Variants in KIF21A observed in about 807,000 individuals in gnomAD.
KIF21A encodes the protein kinesin-like protein KIF21A.
KIF21A carries 114 observed loss-of-function variants against 202.9 expected under a neutral mutation model. That is an observed-to-expected ratio of 0.56 (90% CI 0.48 to 0.66). KIF21A has a LOEUF of 0.66. KIF21A is among the 30% of genes least tolerant of loss of function. The pLI is 0.00. For missense variants in KIF21A, 1,677 were observed against 1,994.9 expected (o/e 0.84, Z 3.04); for synonymous variants, 667 against 670.8 (o/e 0.99, Z 0.09).
intron 10 of KIF21A, among the ~76,000 whole-genome samples, chr12:39,354,470 C>T (rs1343263418): frequency 1.3e-5 from 2 of 151,934 alleles, no homozygotes; most frequent in African/African-American, 4.8e-5. Flanking sequence ...TTACATTTTC[C>T]TATATTTTCA....
rs769252082 is a variant in KIF21A, at chr12:39,383,409, A to G, written c.45-13148T>C. Among the ~76,000 whole-genome samples, 3 of 152,248 alleles carry G rather than the reference A, an allele frequency of 2.0e-5. No individual in the cohort carries two copies. The East Asian group carries it at 5.8e-4, about 29-fold the overall frequency. On this transcript the variant is annotated intron_variant, in intron 1 of 37. Transcript: ENST00000361418. ...TAAGTAGATTATAAAGGTTCCTGCT[A>G]TATCAACAAATGATATCCTAAATGA...
At chr12:39,379,617 T>A (rs931891581) in intron 1 of KIF21A, among the ~76,000 whole-genome samples, 2 of 152,170 alleles carry the variant, frequency 1.3e-5, no homozygotes, top group African/African-American at 2.4e-5. Context: ...AGGCTTCCAA[T>A]GAAGCTCAGC....
intron 3 of KIF21A, among the ~76,000 whole-genome samples, chr12:39,368,815 G>T (rs1353522378): frequency 2.0e-5 from 3 of 151,348 alleles, no homozygotes; most frequent in African/African-American, 4.9e-5. Context: ...TGATGAAAAT[G>T]ATTAGCTCAT....
In KIF21A at chr12:39,356,848, CT is replaced by C; in HGVS notation, c.1452del (p.Glu485LysfsTer10). On this transcript the variant is annotated frameshift_variant, in exon 10 of 38. Transcript: ENST00000361418. LOFTEE classifies it high-confidence loss of function. ...EISNMIHSYI[K>X]EIEDLRAKLL... is the part of the protein sequence containing the mutation. Reference sequence around the variant, plus strand: ...GAACTATACCTGAGATCTTCGATTTCTTTTATATAACTATGAATCATATTAC... The same window carrying C: ...GAACTATACCTGAGATCTTCGATTTCTTTATATAACTATGAATCATATTAC... The C allele has an allele frequency of 2.4e-6, 3 of 1,227,096 alleles. No individual in the cohort carries two copies. The highest frequency in any genetic ancestry group is 3.6e-6 in the Non-Finnish European group (3 of 830,416). 76.0% of individuals were successfully genotyped at this position (1,227,096 alleles called of 1,614,324 possible).
chr12:39,319,614 G>C (rs1944977506), intron 28 of KIF21A, among the ~76,000 whole-genome samples: 1 of 151,828 alleles, frequency 6.6e-6, no homozygotes, highest in Non-Finnish European at 1.5e-5. Flanking sequence ...GACTTAATAA[G>C]CCTTACCTCA....
At chr12:39,295,645 C>T (rs182415199) in intron 37 of KIF21A, among the ~76,000 whole-genome samples, 4 of 146,398 alleles carry the variant, frequency 2.7e-5, no homozygotes, top group Admixed American at 1.4e-4. Flanking sequence ...ATTTACTCAA[C>T]AAATGTTTAC....
intron 1 of KIF21A, among the ~76,000 whole-genome samples, chr12:39,398,183 C>T (rs1448881040): frequency 6.6e-6 from 1 of 152,194 alleles, no homozygotes; most frequent in Non-Finnish European, 1.5e-5. Context: ...TTACACTCTA[C>T]ATTTTAAAAA....
chr12:39,417,881 C>T (rs1286694868), intron 1 of KIF21A, among the ~76,000 whole-genome samples: 3 of 152,132 alleles, frequency 2.0e-5, no homozygotes, highest in Non-Finnish European at 4.4e-5. Flanking sequence ...TTTGGTCCAA[C>T]TTCTGGGCAA....
At chr12:39,297,382 A>AT (rs1233067592) in intron 37 of KIF21A, among the ~76,000 whole-genome samples, 1 of 152,182 alleles carries the variant, frequency 6.6e-6, no homozygotes. Flanking sequence ...TGTCGCACAT[A>AT]TACACCATGG....
rs1389659678 is a variant in KIF21A at position 39,301,539 on chromosome 12, A to T, written c.4872T>A (p.Gly1624=). ...DTFMPVGEMK[G]HDSPINAICV... is the part of the protein sequence containing the mutation. Reference sequence around the variant, plus strand: ...ATATGGCATTGATAGGACTATCATGACCCTTCATCTCTCCCACTGGCATAA... The same window carrying T: ...ATATGGCATTGATAGGACTATCATGTCCCTTCATCTCTCCCACTGGCATAA... Residue 1624 remains glycine (G), a synonymous_variant, in exon 37 of 38, where the codon GGT becomes GGA. Transcript: ENST00000361418. 6.2e-7 allele frequency: 1 copy of T among 1,614,044 alleles called. No homozygotes were observed. The highest frequency in any genetic ancestry group is 8.5e-7 in the Non-Finnish European group (1 of 1,179,952).
Position 39,423,084 on chromosome 12 carries a change from C to T in KIF21A, c.44+19843G>A, listed in dbSNP as rs184580915. Among the ~76,000 whole-genome samples the T allele has an allele frequency of 2.2e-3, 336 of 152,270 alleles. 2 individuals are homozygous for T. Among genetic ancestry groups the T allele is most frequent in the African/African-American group, 7.5e-3 (312 of 41,544 alleles). ...TTAGAGTTGGGAACAGTTTTGCTTCCGGCAAATAGTAAGTGCTTGACAAAT... is the reference window on the plus strand; with the variant it reads ...TTAGAGTTGGGAACAGTTTTGCTTCTGGCAAATAGTAAGTGCTTGACAAAT... On this transcript the variant is annotated intron_variant, in intron 1 of 37. Coordinates refer to ENST00000361418, the MANE Select transcript of KIF21A (RefSeq NM_001173464.2).
At chr12:39,400,500 C>T (rs750504751) in intron 1 of KIF21A, among the ~76,000 whole-genome samples, 3 of 152,016 alleles carry the variant, frequency 2.0e-5, no homozygotes, top group Non-Finnish European at 4.4e-5. Flanking sequence ...CATTTGTTCT[C>T]GTCATTCAAC....
Position 39,326,276 on chromosome 12 carries a change from C to G in KIF21A, c.3389G>C (p.Gly1130Ala). 1 of 1,611,282 alleles carries G rather than the reference C, an allele frequency of 6.2e-7. No individual in the cohort carries two copies. Among genetic ancestry groups the G allele is most frequent in the Admixed American group, 1.7e-5 (1 of 60,008 alleles). Residue 1130 changes from glycine to alanine, a missense_variant, in exon 25 of 38, where the codon GGA becomes GCA. By Grantham distance (60) the Gly-to-Ala change is moderately conservative. This residue lies in a region of KIF21A where 705 missense variants were observed against 791.9 expected (regional missense o/e 0.89). Coordinates refer to ENST00000361418, the MANE Select transcript of KIF21A (RefSeq NM_001173464.2). Reference protein sequence around the residue: ...TDEDAPLNSPGSEGSTLSSDL... With the variant: ...TDEDAPLNSPASEGSTLSSDL... Reference sequence around the variant, plus strand: ...AAGGCCTTCTTACCTTCCTTCTGATCCTGGGCTGTTTAAAGGAGCATCCTC... The same window carrying G: ...AAGGCCTTCTTACCTTCCTTCTGATGCTGGGCTGTTTAAAGGAGCATCCTC...
intron 11 of KIF21A, among the ~76,000 whole-genome samples, chr12:39,350,901 G>C (rs746843515): frequency 5.3e-4 from 81 of 152,092 alleles, no homozygotes; most frequent in African/African-American, 1.8e-3. Flanking sequence ...TAGGCTAAAC[G>C]TCTACATCAA....
chr12:39,363,789 G>C (rs183680003), intron 6 of KIF21A, among the ~76,000 whole-genome samples: 1 of 152,168 alleles, frequency 6.6e-6, no homozygotes. Context: ...AGGCCAAGGT[G>C]GGGGGATCAC....
chr12:39,427,473 T>C (rs1010279832), intron 1 of KIF21A, among the ~76,000 whole-genome samples: 2 of 152,214 alleles, frequency 1.3e-5, no homozygotes, highest in Non-Finnish European at 2.9e-5. Flanking sequence ...ACACCGCTAC[T>C]ACCTCAAAGG....
At position 39,332,597 on chromosome 12, in the gene KIF21A, G is replaced by A. The variant is rs147451077; in HGVS notation, c.2850C>T (p.Leu950=). The A allele has an allele frequency of 1.9e-6, 3 of 1,612,580 alleles. No homozygotes were observed. The highest frequency in any genetic ancestry group is 2.5e-6 in the Non-Finnish European group (3 of 1,179,706). ...TACTCTCTATTTTCCACACCTTGAG[G>A]AGTCTATTCATATCTGCCTCCATGT... ...ISNMEADMNR[L]LKQREELTKR... The change falls in exon 20 of 38, where the codon CTC becomes CTT. Residue 950 remains leucine, a synonymous_variant. Transcript: ENST00000361418.
intron 1 of KIF21A, among the ~76,000 whole-genome samples, chr12:39,402,270 TG>T (rs1207225531): frequency 6.6e-6 from 1 of 152,134 alleles, no homozygotes; most frequent in Non-Finnish European, 1.5e-5. Flanking sequence ...CACCACAACT[TG>T]GGTAGAACAG....
intron 1 of KIF21A, among the ~76,000 whole-genome samples, chr12:39,415,230 C>CT (rs1161997461): frequency 0.02 from 1,128 of 55,476 alleles, 333 homozygotes; most frequent in Non-Finnish European, 0.027. Context: ...GTAGAGAATG[C>CT]TTTTTTTTTT....
Sources: gnomAD v4.1 joint callset for allele counts (sites outside exome capture counted in the v4.1 genomes callset) on GRCh38, gnomAD v4.1.1 for gene constraint, gnomAD v4.1.1 regional missense constraint, MANE v1.5 for transcripts, NCBI Gene and HGNC (gene_info 2026-07-23, HGNC 2026-07-21) for gene names.